The following IGF2BP3 variants were observed in gnomAD, a reference collection of about 807,000 sequenced individuals.
The protein encoded by IGF2BP3 is insulin-like growth factor 2 mRNA-binding protein 3.
IGF2BP3 carries 9 observed loss-of-function variants against 73.8 expected under a neutral mutation model. The observed-to-expected ratio is 0.12, with a 90% confidence interval of 0.07 to 0.21. The LOEUF is 0.21. Ranked by LOEUF, IGF2BP3 falls within the 10% of genes least tolerant of loss-of-function variation. The pLI is 1.00. For missense variants in IGF2BP3, 542 were observed against 714.0 expected, an observed-to-expected ratio of 0.76 and a Z score of 2.75; for synonymous variants, 258 against 256.7, an observed-to-expected ratio of 1.01 and a Z score of -0.05.
chr7:23,360,067 C>G (rs1785187666), intron 5 of IGF2BP3, among the ~76,000 whole-genome samples: 1 of 151,264 alleles, frequency 6.6e-6, no homozygotes, highest in Admixed American at 6.6e-5. Context: ...ATATCACTTT[C>G]ACATACTAGA....
rs1157165631 is a variant in IGF2BP3 at position 23,332,595 on chromosome 7, CA to C, written c.1203+9468del. On this transcript the variant is annotated intron_variant, in intron 10 of 14. Coordinates refer to ENST00000258729, the MANE Select transcript of IGF2BP3 (RefSeq NM_006547.3). ...CCAGATCACTTCTGTTTCTCTTCAC[CA>C]ACAAAGAACACAAAATAAAATTATT... is the stretch of plus-strand genomic sequence containing the variant. Among the ~76,000 whole-genome samples the C allele has an allele frequency of 2.0e-5, 3 of 152,306 alleles. No individual in the cohort carries two copies. In the East Asian group the frequency reaches 5.8e-4, roughly 29 times the overall value.
chr7:23,419,986 T>C (rs1787298600), intron 2 of IGF2BP3, among the ~76,000 whole-genome samples: 2 of 152,178 alleles, frequency 1.3e-5, no homozygotes, highest in Non-Finnish European at 2.9e-5. Flanking sequence ...CATGTATATA[T>C]GTATGTATAA....
At chr7:23,392,350 G>A (rs1473124211) in intron 3 of IGF2BP3, among the ~76,000 whole-genome samples, 1 of 147,514 alleles carries the variant, frequency 6.8e-6, no homozygotes, top group Non-Finnish European at 1.5e-5. Context: ...CTGACCTCAA[G>A]AAAAGGCTGA....
rs144513337 is a variant in IGF2BP3 at position 23,453,032 on chromosome 7, C to T, written c.236+15450G>A. On this transcript the variant is annotated intron_variant, in intron 2 of 14. Transcript: ENST00000258729. ...GAGGCTGAGGCACGAGAATCCCTTA[C>T]CCAGCAGGCGGAGGTTGTAGCGAGC... Among the ~76,000 whole-genome samples the T allele has an allele frequency of 2.5e-3, 380 of 152,074 alleles. 1 individual carries two copies. The highest frequency in any genetic ancestry group is 4.2e-3 in the Non-Finnish European group (284 of 67,980).
chr7:23,465,705 G>T (rs1788551747), intron 2 of IGF2BP3, among the ~76,000 whole-genome samples: 1 of 152,166 alleles, frequency 6.6e-6, no homozygotes, highest in African/African-American at 2.4e-5. Flanking sequence ...CTGCACATGT[G>T]GGTGTGCCTG....
chr7:23,404,852 T>A (rs1433003691), intron 3 of IGF2BP3, among the ~76,000 whole-genome samples: 1 of 152,150 alleles, frequency 6.6e-6, no homozygotes, highest in Non-Finnish European at 1.5e-5. Context: ...TAGTGCCCTG[T>A]CACTCCCAAT....
intron 3 of IGF2BP3, among the ~76,000 whole-genome samples, chr7:23,410,310 T>G (rs1299685521): frequency 6.6e-6 from 1 of 152,170 alleles, no homozygotes; most frequent in Non-Finnish European, 1.5e-5. Context: ...TGAGCTGTGA[T>G]TGTGCCACTG....
chr7:23,343,333 TAAGAG>T (rs1271471705), intron 9 of IGF2BP3, among the ~76,000 whole-genome samples: 7 of 152,336 alleles, frequency 4.6e-5, no homozygotes, highest in South Asian at 4.1e-4. Context: ...GTAAATCATA[TAAGAG>T]AAGAGAGCTG....
intron 3 of IGF2BP3, among the ~76,000 whole-genome samples, chr7:23,381,321 A>G (rs1785902672): frequency 6.6e-6 from 1 of 152,222 alleles, no homozygotes; most frequent in South Asian, 2.1e-4. Flanking sequence ...AGGAAATACG[A>G]GAAGAGTCAG....
At chr7:23,425,966 AAAAAAAACAAAC>A (rs1020703595) in intron 2 of IGF2BP3, among the ~76,000 whole-genome samples, 4 of 135,710 alleles carry the variant, frequency 2.9e-5, no homozygotes, top group African/African-American at 1.1e-4. Context: ...ATCCTATCTC[AAAAAAAACAAAC>A]AAAAAAACCC....
intron 2 of IGF2BP3, among the ~76,000 whole-genome samples, chr7:23,464,979 T>C (rs1008556530): frequency 1.3e-5 from 2 of 152,146 alleles, no homozygotes; most frequent in African/African-American, 2.4e-5. Flanking sequence ...TGAAAAATTA[T>C]TTTCGTAATT....
chr7:23,320,015 A>G (rs1583877758), intron 10 of IGF2BP3, among the ~76,000 whole-genome samples: 1 of 149,910 alleles, frequency 6.7e-6, no homozygotes, highest in East Asian at 2.0e-4. Context: ...GATTCAAGCT[A>G]CTCTCCTGCC....
chr7:23,442,321 G>A (rs1433083819), intron 2 of IGF2BP3, among the ~76,000 whole-genome samples: 1 of 152,088 alleles, frequency 6.6e-6, no homozygotes, highest in Non-Finnish European at 1.5e-5. Context: ...ATCCCTTAAG[G>A]CAGATTTATC....
intron 3 of IGF2BP3, among the ~76,000 whole-genome samples, chr7:23,374,738 TC>T (rs1785663401): frequency 6.6e-6 from 1 of 152,070 alleles, no homozygotes; most frequent in African/African-American, 2.4e-5. Flanking sequence ...TGATTTGATA[TC>T]GGGGGAAATT....
intron 2 of IGF2BP3, among the ~76,000 whole-genome samples, chr7:23,443,169 C>A (rs968078344): frequency 4.8e-5 from 7 of 144,764 alleles, no homozygotes; most frequent in African/African-American, 1.6e-4. Context: ...CTGGTGACAC[C>A]ACACCCAGTG....
intron 5 of IGF2BP3, among the ~76,000 whole-genome samples, chr7:23,359,845 A>G (rs1741164009): frequency 6.6e-6 from 1 of 152,170 alleles, no homozygotes; most frequent in African/African-American, 2.4e-5. Flanking sequence ...CTTACATGAT[A>G]CAACTAAAGA....
chr7:23,456,343 G>T (rs1788317223), intron 2 of IGF2BP3, among the ~76,000 whole-genome samples: 1 of 151,962 alleles, frequency 6.6e-6, no homozygotes, highest in Non-Finnish European at 1.5e-5. Flanking sequence ...TGCCCTGCTG[G>T]GACCAAAAGC....
At chr7:23,321,560 T>C (rs1288770499) in intron 10 of IGF2BP3, among the ~76,000 whole-genome samples, 4 of 152,178 alleles carry the variant, frequency 2.6e-5, no homozygotes, top group South Asian at 4.1e-4. Context: ...TCGAACTGGG[T>C]GGAGCCCACC....
In IGF2BP3 at chr7:23,376,531, T is replaced by C. The variant is rs28454094; in HGVS notation, c.286-14790A>G. 2.3e-3 allele frequency among the ~76,000 whole-genome samples: 238 copies of C among 104,780 alleles called. 2 individuals carry two copies. The highest frequency in any genetic ancestry group is 1.4e-3 in the Non-Finnish European group (78 of 54,794). 68.7% of individuals were successfully genotyped at this position (104,780 alleles called of 152,430 possible). On this transcript the variant is annotated intron_variant, in intron 3 of 14. Coordinates refer to ENST00000258729, the MANE Select transcript of IGF2BP3 (RefSeq NM_006547.3). ...GCCTGGGCAACAGAGTAAGGCTCCA[T>C]CTCCCAAAGAAAAAAAAAAAAAAAA...
Sources: gnomAD v4.1 joint callset for allele counts (sites outside exome capture counted in the v4.1 genomes callset) on GRCh38, gnomAD v4.1.1 for gene constraint, MANE v1.5 for transcripts, NCBI Gene and HGNC (gene_info 2026-07-23, HGNC 2026-07-21) for gene names.